The following CNTNAP2 variants were observed in gnomAD, a reference collection of about 807,000 sequenced individuals.
CNTNAP2 encodes contactin-associated protein-like 2.
A neutral mutation model predicts 155.2 loss-of-function variants in CNTNAP2; 98 were observed. The ratio of observed to expected loss-of-function variants is 0.63; its 90% confidence interval spans 0.54 to 0.75. The LOEUF (loss-of-function observed/expected upper bound fraction) is 0.75. Ranked by LOEUF, CNTNAP2 falls within the 30% of genes least tolerant of loss-of-function variation. The probability of loss-of-function intolerance (pLI) is 0.00; values close to 1 mark genes in which losing one functional copy is unlikely to be tolerated. For missense variants in CNTNAP2, 1,727 were observed against 1,688.1 expected, an observed-to-expected ratio of 1.02 and a Z score of -0.40; for synonymous variants, 651 against 631.2, an observed-to-expected ratio of 1.03 and a Z score of -0.47.
chr7:147,851,307 C>G (rs890724073), intron 13 of CNTNAP2, among the ~76,000 whole-genome samples: 4 of 152,122 alleles, frequency 2.6e-5, no homozygotes, highest in Non-Finnish European at 5.9e-5. Context: ...AATAGGAACA[C>G]TTTTACACTG....
chr7:147,184,049 T>C (rs1347791874), intron 8 of CNTNAP2, among the ~76,000 whole-genome samples: 1 of 152,162 alleles, frequency 6.6e-6, no homozygotes, highest in African/African-American at 2.4e-5. Context: ...GGATATTTAA[T>C]TACCCATTAA....
At chr7:148,366,274 G>A (rs1267907265) in intron 21 of CNTNAP2, among the ~76,000 whole-genome samples, 1 of 125,618 alleles carries the variant, frequency 8.0e-6, no homozygotes, top group African/African-American at 2.7e-5. Context: ...ATGTGTACAT[G>A]TATATATGTA....
chr7:148,162,621 A>C (rs1328751726), intron 17 of CNTNAP2, among the ~76,000 whole-genome samples: 6 of 152,210 alleles, frequency 3.9e-5, no homozygotes, highest in Non-Finnish European at 7.3e-5. Flanking sequence ...GTTGGCTTAG[A>C]GATTAATTTG....
chr7:148,244,173 T>C (rs368991095), intron 20 of CNTNAP2, among the ~76,000 whole-genome samples: 288 of 152,284 alleles, frequency 1.9e-3, no homozygotes, highest in African/African-American at 6.5e-3. Context: ...GTAGGAGAGA[T>C]GGGGGCCAGG....
intron 17 of CNTNAP2, among the ~76,000 whole-genome samples, chr7:148,164,815 T>C (rs1270697044): frequency 7.6e-6 from 1 of 131,898 alleles, no homozygotes; most frequent in Non-Finnish European, 1.6e-5. Context: ...TTTTTATTTT[T>C]TATTTTTTTT....
intron 8 of CNTNAP2, among the ~76,000 whole-genome samples, chr7:147,272,799 G>T (rs187409539): frequency 4.6e-5 from 7 of 151,804 alleles, no homozygotes; most frequent in Non-Finnish European, 4.4e-5. Flanking sequence ...GAGCCACTGC[G>T]CCTGGCCATG....
chr7:147,133,291 T>A (rs1801412871), intron 8 of CNTNAP2, among the ~76,000 whole-genome samples: 1 of 152,092 alleles, frequency 6.6e-6, no homozygotes, highest in African/African-American at 2.4e-5. Context: ...CTTGAGATAG[T>A]CTTTGCAATA....
chr7:146,759,681 C>CAAAAAAAAAAAAAAAAAAAAA (rs376817827), intron 1 of CNTNAP2, among the ~76,000 whole-genome samples: 8 of 54,650 alleles, frequency 1.5e-4, no homozygotes, highest in African/African-American at 3.3e-4. Flanking sequence ...GTGAGACTGT[C>CAAAAAAAAAAAAAAAAAAAAA]AAAAAAAAAA....
At chr7:146,464,157 T>C (rs1021895213) in intron 1 of CNTNAP2, among the ~76,000 whole-genome samples, 3 of 151,884 alleles carry the variant, frequency 2.0e-5, no homozygotes, top group African/African-American at 4.8e-5. Flanking sequence ...AGAATACTTT[T>C]ATTTTGCTCA....
chr7:148,137,683 A>AGGAAGGAAGGAAGGAT lies in CNTNAP2; in HGVS notation c.2555-9793_2555-9792insTGGAAGGAAGGAAGGA, dbSNP rs1325989244. The stretch of plus-strand genomic sequence containing the variant: ...TCTCAGAAAAAAAAGGAAGGAAGGA[A>AGGAAGGAAGGAAGGAT]GGAAGGAAGGAAGGAAGGAAGGAAG... On this transcript the variant is annotated intron_variant, in intron 16 of 23. Coordinates refer to ENST00000361727, the MANE Select transcript of CNTNAP2 (RefSeq NM_014141.6). Among the ~76,000 whole-genome samples, 70 of 104,808 alleles carry AGGAAGGAAGGAAGGAT rather than the reference A, an allele frequency of 6.7e-4. 1 individual carries two copies. Among genetic ancestry groups the AGGAAGGAAGGAAGGAT allele is most frequent in the African/African-American group, 2.5e-3 (67 of 26,398 alleles). The allele number at this position is 104,808 out of a possible 152,430, so 68.8% of individuals were successfully genotyped here.
intron 14 of CNTNAP2, among the ~76,000 whole-genome samples, chr7:147,906,350 T>C (rs1799957753): frequency 1.3e-5 from 2 of 152,062 alleles, no homozygotes; most frequent in Non-Finnish European, 1.5e-5. Flanking sequence ...TTTGTATTTT[T>C]AGTACAGACG....
At chr7:147,708,267 T>TG (rs1241458395) in intron 13 of CNTNAP2, among the ~76,000 whole-genome samples, 1 of 152,156 alleles carries the variant, frequency 6.6e-6, no homozygotes, top group Non-Finnish European at 1.5e-5. Flanking sequence ...AGTTTGTTCA[T>TG]GGGGCACATG....
At chr7:146,744,033 C>T (rs987921429) in intron 1 of CNTNAP2, among the ~76,000 whole-genome samples, 2 of 151,830 alleles carry the variant, frequency 1.3e-5, no homozygotes, top group African/African-American at 2.4e-5. Flanking sequence ...TTGAGACCAG[C>T]CTTGCCAACA....
At chr7:147,922,665 C>G (rs1800304977) in intron 14 of CNTNAP2, among the ~76,000 whole-genome samples, 2 of 152,204 alleles carry the variant, frequency 1.3e-5, no homozygotes, top group South Asian at 4.1e-4. Flanking sequence ...AAAGACCACT[C>G]AAACTACTCA....
intron 1 of CNTNAP2, among the ~76,000 whole-genome samples, chr7:146,422,359 G>GTATA (rs971506491): frequency 2.7e-5 from 4 of 148,156 alleles, no homozygotes; most frequent in African/African-American, 9.9e-5. Flanking sequence ...GTATATATAT[G>GTATA]TATATATATA....
chr7:147,137,303 G>T (rs1222583782), intron 8 of CNTNAP2, among the ~76,000 whole-genome samples: 1 of 150,998 alleles, frequency 6.6e-6, no homozygotes, highest in Non-Finnish European at 1.5e-5. Context: ...AGTAGACTAT[G>T]AATCTAATGT....
At chr7:148,071,465 C>T (rs749737038) in intron 15 of CNTNAP2, among the ~76,000 whole-genome samples, 3 of 151,944 alleles carry the variant, frequency 2.0e-5, no homozygotes, top group Middle Eastern at 6.8e-3. Context: ...GGTGACAGAG[C>T]GAGACTCCAT....
chr7:148,325,787 C>T (rs1797874166), intron 21 of CNTNAP2, among the ~76,000 whole-genome samples: 1 of 152,148 alleles, frequency 6.6e-6, no homozygotes, highest in South Asian at 2.1e-4. Context: ...TCATAGCACC[C>T]CAGTTATTTT....
chr7:148,411,576 T>C (rs937044887), intron 23 of CNTNAP2, among the ~76,000 whole-genome samples: 19 of 152,148 alleles, frequency 1.2e-4, no homozygotes, highest in African/African-American at 4.1e-4. Flanking sequence ...CCAATCTTTT[T>C]TATAGTTTGT....
Sources: gnomAD v4.1 joint callset for allele counts (sites outside exome capture counted in the v4.1 genomes callset) on GRCh38, gnomAD v4.1.1 for gene constraint, MANE v1.5 for transcripts, NCBI Gene and HGNC (gene_info 2026-07-23, HGNC 2026-07-21) for gene names.